Variants in TRPM3 observed in about 807,000 individuals in gnomAD.
TRPM3 encodes the protein transient receptor potential cation channel subfamily M member 3.
A neutral mutation model predicts 181.2 loss-of-function variants in TRPM3; 77 were observed. The observed-to-expected ratio is 0.42, with a 90% confidence interval of 0.35 to 0.51. The LOEUF (loss-of-function observed/expected upper bound fraction) is 0.51. Among genes scored for constraint, TRPM3 ranks in the 20% least tolerant of loss-of-function variants. TRPM3 has a pLI of 0.01. For synonymous variants in TRPM3, 745 were observed against 796.4 expected, an observed-to-expected ratio of 0.94 and a Z score of 1.09; for missense variants, 1,759 against 2,196.7, an observed-to-expected ratio of 0.80 and a Z score of 3.98.
intron 1 of TRPM3, among the ~76,000 whole-genome samples, chr9:71,367,822 C>T (rs1048694521): frequency 3.3e-5 from 5 of 152,262 alleles, no homozygotes; most frequent in Admixed American, 6.5e-5. Context: ...AAACAGGATA[C>T]GCAGCTAATT....
At chr9:71,409,909 C>T (rs1320032934) in intron 1 of TRPM3, among the ~76,000 whole-genome samples, 2 of 151,908 alleles carry the variant, frequency 1.3e-5, no homozygotes, top group Non-Finnish European at 2.9e-5. Flanking sequence ...ACAAACTGTG[C>T]CTCAGACCAC....
At chr9:71,147,518 T>C (rs926166981) in intron 1 of TRPM3, among the ~76,000 whole-genome samples, 15 of 151,640 alleles carry the variant, frequency 9.9e-5, no homozygotes, top group Admixed American at 7.2e-4. Context: ...TAAACTCAAC[T>C]GCTCTTCCTT....
chr9:71,171,811 C>G (rs921591325), intron 1 of TRPM3, among the ~76,000 whole-genome samples: 1 of 152,106 alleles, frequency 6.6e-6, no homozygotes, highest in Non-Finnish European at 1.5e-5. Flanking sequence ...ATCTGTGTTA[C>G]GCGGCAGCTT....
intron 1 of TRPM3, among the ~76,000 whole-genome samples, chr9:71,169,193 C>T (rs2076713401): frequency 6.6e-6 from 1 of 152,178 alleles, no homozygotes; most frequent in Admixed American, 6.5e-5. Context: ...TGTGTGAAAT[C>T]ATCCAATCTT....
At chr9:70,627,041 C>T (rs75872244) in intron 12 of TRPM3, among the ~76,000 whole-genome samples, 2,272 of 152,164 alleles carry the variant, frequency 0.015, 29 homozygotes, top group Non-Finnish European at 0.022. Flanking sequence ...TTGTTGGGAT[C>T]AAGTCTGGGT....
chr9:71,309,499 T>A (rs1037555866), intron 1 of TRPM3, among the ~76,000 whole-genome samples: 9 of 152,152 alleles, frequency 5.9e-5, no homozygotes, highest in African/African-American at 1.7e-4. Context: ...ATCCAGGGCA[T>A]TACTACCATC....
At chr9:70,762,882 G>A (rs1039201030) in intron 7 of TRPM3, among the ~76,000 whole-genome samples, 3 of 152,194 alleles carry the variant, frequency 2.0e-5, no homozygotes, top group Admixed American at 1.3e-4. Flanking sequence ...TTTACACCAA[G>A]TGGATCACAC....
chr9:70,844,035 G>T (rs2132030677), intron 4 of TRPM3, among the ~76,000 whole-genome samples: 1 of 152,234 alleles, frequency 6.6e-6, no homozygotes. Flanking sequence ...AGCTCAGTAT[G>T]TCACTTAACA....
At chr9:71,224,138 G>A (rs975708136) in intron 1 of TRPM3, among the ~76,000 whole-genome samples, 2 of 152,356 alleles carry the variant, frequency 1.3e-5, no homozygotes, top group African/African-American at 4.8e-5. Flanking sequence ...CAGTGGTGGT[G>A]GGGCCACAGG....
chr9:71,438,344 TA>T (rs80325986), intron 1 of TRPM3, among the ~76,000 whole-genome samples: 5 of 152,222 alleles, frequency 3.3e-5, no homozygotes, highest in Non-Finnish European at 7.3e-5. Flanking sequence ...AAGTTTTTTT[TA>T]AAATTTGATA....
chr9:70,622,813 A>C (rs1479640223), intron 14 of TRPM3, among the ~76,000 whole-genome samples: 1 of 152,196 alleles, frequency 6.6e-6, no homozygotes. Context: ...GTATTTGGCT[A>C]TTCATGTTAG....
At chr9:70,601,066 G>A (rs890700415) in intron 20 of TRPM3, among the ~76,000 whole-genome samples, 23 of 152,138 alleles carry the variant, frequency 1.5e-4, no homozygotes, top group Non-Finnish European at 7.4e-5. Flanking sequence ...AGAAAGAGCA[G>A]TGAGTCTAGG....
chr9:70,686,687 T>TTCCTTCCA (rs2066922609), intron 8 of TRPM3, among the ~76,000 whole-genome samples: 3 of 24,940 alleles, frequency 1.2e-4, no homozygotes. Flanking sequence ...CCTTCCTTCT[T>TTCCTTCCA]TCCTTCCTTC....
chr9:71,229,533 A>G (rs1161872493), intron 1 of TRPM3, among the ~76,000 whole-genome samples: 1 of 152,218 alleles, frequency 6.6e-6, no homozygotes, highest in Non-Finnish European at 1.5e-5. Flanking sequence ...AACCCACAGA[A>G]TGTGAGGAAA....
intron 1 of TRPM3, among the ~76,000 whole-genome samples, chr9:71,201,187 T>C (rs921590465): frequency 1.3e-5 from 2 of 151,950 alleles, no homozygotes; most frequent in African/African-American, 4.8e-5. Flanking sequence ...TCTTTAAGAA[T>C]GTTGAATATT....
intron 1 of TRPM3, among the ~76,000 whole-genome samples, chr9:71,056,053 T>C (rs547147396): frequency 9.1e-4 from 138 of 152,150 alleles, no homozygotes; most frequent in African/African-American, 3.2e-3. Context: ...ATCCCAATTT[T>C]ACACATGAAT....
intron 25 of TRPM3, among the ~76,000 whole-genome samples, chr9:70,541,992 A>G (rs983866734): frequency 1.3e-5 from 2 of 152,108 alleles, no homozygotes; most frequent in African/African-American, 4.8e-5. Context: ...GTGCTGGTAC[A>G]TGTCTGTGGT....
intron 17 of TRPM3, among the ~76,000 whole-genome samples, chr9:70,618,123 C>T (rs188247633): frequency 1.1e-4 from 17 of 152,212 alleles, no homozygotes; most frequent in Admixed American, 1.0e-3. Flanking sequence ...TTCACATTTT[C>T]CTTGAAAAAC....
chr9:71,131,483 T>C (rs2074370839), intron 1 of TRPM3, among the ~76,000 whole-genome samples: 1 of 152,224 alleles, frequency 6.6e-6, no homozygotes, highest in Non-Finnish European at 1.5e-5. Flanking sequence ...CCCAGATCCT[T>C]GCAGACTGTC....
Sources: gnomAD v4.1 joint callset for allele counts (sites outside exome capture counted in the v4.1 genomes callset) on GRCh38, gnomAD v4.1.1 for gene constraint, MANE v1.5 for transcripts, NCBI Gene and HGNC (gene_info 2026-07-23, HGNC 2026-07-21) for gene names.